The following GABBR2 variants were observed in gnomAD, a reference collection of about 807,000 sequenced individuals.
GABBR2 encodes the protein gamma-aminobutyric acid type B receptor subunit 2.
A neutral mutation model predicts 105.6 loss-of-function variants in GABBR2; 23 were observed. That is an observed-to-expected ratio of 0.22 (90% CI 0.16 to 0.31). GABBR2 has a LOEUF of 0.31. GABBR2 is among the 10% of genes least tolerant of loss of function. The probability of loss-of-function intolerance (pLI) is 1.00; values close to 1 mark genes in which losing one functional copy is unlikely to be tolerated. For missense variants in GABBR2, 734 were observed against 1,245.5 expected (o/e 0.59, Z 6.18); for synonymous variants, 478 against 499.7 (o/e 0.96, Z 0.58).
chr9:98,492,688 G>T (rs1278732999), intron 4 of GABBR2, among the ~76,000 whole-genome samples: 1 of 152,122 alleles, frequency 6.6e-6, no homozygotes, highest in African/African-American at 2.4e-5. Flanking sequence ...GTTTGGGGGA[G>T]TATTGGTCAG....
In GABBR2 at chr9:98,436,343, CA is replaced by C. The variant is rs1825910289; in HGVS notation, c.1236+17637del. On this transcript the variant is annotated intron_variant, in intron 7 of 18. Transcript: ENST00000259455. ...ATATATATATATATACACACACACA[CA>C]CACCATATATATATATATATATATA... Among the ~76,000 whole-genome samples the C allele has an allele frequency of 1.5e-4, 9 of 60,912 alleles. 1 individual carries two copies. The highest frequency in any genetic ancestry group is 4.6e-4 in the African/African-American group (6 of 12,978). 40.0% of individuals were successfully genotyped at this position (60,912 alleles called of 152,430 possible).
At chr9:98,541,367 T>C (rs1214477596) in intron 3 of GABBR2, among the ~76,000 whole-genome samples, 4 of 151,992 alleles carry the variant, frequency 2.6e-5, no homozygotes, top group Admixed American at 1.3e-4. Context: ...GGCTTTTTTT[T>C]CCCCCACAAC....
chr9:98,701,706 G>GC (rs1194044050), intron 1 of GABBR2, among the ~76,000 whole-genome samples: 1 of 152,072 alleles, frequency 6.6e-6, no homozygotes, highest in African/African-American at 2.4e-5. Flanking sequence ...TATGATACCG[G>GC]CAGAAGGAAA....
intron 11 of GABBR2, among the ~76,000 whole-genome samples, chr9:98,377,663 G>T (rs921687047): frequency 1.3e-5 from 2 of 152,224 alleles, no homozygotes; most frequent in African/African-American, 4.8e-5. Context: ...AGAGCCAGGG[G>T]TTGGAGTGGC....
chr9:98,445,168 A>C (rs898703552), intron 7 of GABBR2, among the ~76,000 whole-genome samples: 2 of 152,234 alleles, frequency 1.3e-5, no homozygotes, highest in African/African-American at 4.8e-5. Context: ...ACCAGGCATA[A>C]AGGGCCAGGT....
intron 11 of GABBR2, among the ~76,000 whole-genome samples, chr9:98,374,034 T>C (rs1490785876): frequency 1.3e-5 from 2 of 152,014 alleles, no homozygotes; most frequent in Non-Finnish European, 2.9e-5. Context: ...ATTTTTTTGA[T>C]TTTTAGTAGA....
At chr9:98,684,169 TAAAAAAAAAAA>T (rs3032196) in intron 1 of GABBR2, among the ~76,000 whole-genome samples, 7 of 66,140 alleles carry the variant, frequency 1.1e-4, no homozygotes, top group African/African-American at 1.9e-4. Context: ...TTTACCACGG[TAAAAAAAAAAA>T]AAAAAAAAAA....
At chr9:98,537,235 C>G (rs943598194) in intron 3 of GABBR2, among the ~76,000 whole-genome samples, 1 of 152,244 alleles carries the variant, frequency 6.6e-6, no homozygotes, top group African/African-American at 2.4e-5. Flanking sequence ...ACCACCGCCA[C>G]ATGCCACAGC....
At chr9:98,438,165 ATCTACCTATCCATCC>A (rs1825962165) in intron 7 of GABBR2, among the ~76,000 whole-genome samples, 1 of 132,834 alleles carries the variant, frequency 7.5e-6, no homozygotes, top group Non-Finnish European at 1.6e-5. Context: ...ATCTATATCC[ATCTACCTATCCATCC>A]ATCCATCCAT....
intron 1 of GABBR2, among the ~76,000 whole-genome samples, chr9:98,644,796 C>A (rs924221820): frequency 3.9e-5 from 6 of 152,144 alleles, no homozygotes; most frequent in Non-Finnish European, 8.8e-5. Flanking sequence ...CATGCCACTG[C>A]ACTCCAACCT....
chr9:98,686,491 G>GGAGA (rs1423799228), intron 1 of GABBR2, among the ~76,000 whole-genome samples: 17 of 152,224 alleles, frequency 1.1e-4, no homozygotes, highest in African/African-American at 3.9e-4. Context: ...TCGCCTCCCA[G>GGAGA]TTCAAGTGAT....
At chr9:98,485,793 C>T (rs964945591) in intron 4 of GABBR2, among the ~76,000 whole-genome samples, 5 of 152,182 alleles carry the variant, frequency 3.3e-5, no homozygotes, top group African/African-American at 9.7e-5. Context: ...GGGGCTGGTA[C>T]ACCCGCCCGG....
intron 7 of GABBR2, among the ~76,000 whole-genome samples, chr9:98,428,603 T>C (rs1229125964): frequency 8.5e-5 from 13 of 152,170 alleles, no homozygotes; most frequent in Admixed American, 8.5e-4. Flanking sequence ...TGAAGATGGC[T>C]CTATGCAGGG....
chr9:98,691,611 GC>G (rs1439494308), intron 1 of GABBR2, among the ~76,000 whole-genome samples: 2 of 152,208 alleles, frequency 1.3e-5, no homozygotes, highest in Non-Finnish European at 2.9e-5. Flanking sequence ...GACACTGCGG[GC>G]CCAAAGGTGA....
intron 7 of GABBR2, among the ~76,000 whole-genome samples, chr9:98,411,793 A>T (rs1337013280): frequency 1.3e-5 from 2 of 151,766 alleles, no homozygotes; most frequent in African/African-American, 4.8e-5. Context: ...CAGGTCTCAA[A>T]CTCCCGGCCT....
chr9:98,577,996 C>T lies in GABBR2; in HGVS notation c.398G>A (p.Gly133Asp). ...GATGGATGTGACGGATGGACAGACG[C>T]CTCCAAACACCATCAAGTGGTTAGG... ...YGPNHLMVFG[G>D]VCPSVTSIIA... The change falls in exon 2 of 19, where the codon GGC (glycine) becomes GAC (aspartate). Residue 133 changes from glycine to aspartate, a missense_variant. Around this residue, in one of 7 missense-constraint regions of GABBR2, gnomAD observed 370 missense variants for 648.9 expected, o/e 0.57. Transcript: ENST00000259455. The T allele has an allele frequency of 6.2e-7, 1 of 1,614,000 alleles. No homozygotes were observed. The highest frequency in any genetic ancestry group is 8.5e-7 in the Non-Finnish European group (1 of 1,179,844).
chr9:98,508,700 A>G (rs13296128), intron 3 of GABBR2, among the ~76,000 whole-genome samples: 52,346 of 152,066 alleles, frequency 0.34, 9,274 homozygotes, highest in Middle Eastern at 0.5. Context: ...CTGCAAGGCA[A>G]CAGCGAGGCT....
chr9:98,430,515 T>G (rs554535411), intron 7 of GABBR2, among the ~76,000 whole-genome samples: 1 of 152,146 alleles, frequency 6.6e-6, no homozygotes, highest in Non-Finnish European at 1.5e-5. Flanking sequence ...CCCAACGTGG[T>G]GGGAACATGA....
chr9:98,544,934 A>T (rs1828372381), intron 2 of GABBR2, among the ~76,000 whole-genome samples: 1 of 152,200 alleles, frequency 6.6e-6, no homozygotes, highest in Non-Finnish European at 1.5e-5. Flanking sequence ...TTCTCACAAG[A>T]TTAAAAACAC....
Sources: gnomAD v4.1 joint callset for allele counts (sites outside exome capture counted in the v4.1 genomes callset) on GRCh38, gnomAD v4.1.1 for gene constraint, gnomAD v4.1.1 regional missense constraint, MANE v1.5 for transcripts, NCBI Gene and HGNC (gene_info 2026-07-23, HGNC 2026-07-21) for gene names.